The following SMC3 variants were observed in gnomAD, a reference collection of about 807,000 sequenced individuals.
SMC3 encodes structural maintenance of chromosomes protein 3.
SMC3 carries 20 observed loss-of-function variants against 171.8 expected under a neutral mutation model. The observed-to-expected ratio is 0.12, with a 90% CI of 0.08 to 0.17. The LOEUF is 0.17. Among genes scored for constraint, SMC3 ranks in the 10% least tolerant of loss-of-function variants. SMC3 has a pLI of 1.00. For synonymous variants in SMC3, 464 were observed against 451.1 expected, an observed-to-expected ratio of 1.03 and a Z score of -0.36; for missense variants, 543 against 1,420.4, an observed-to-expected ratio of 0.38 and a Z score of 9.93.
In SMC3 at chr10:110,567,782, G is replaced by C. The variant is rs374449319; in HGVS notation, c.-35G>C. On this transcript the variant is annotated 5_prime_UTR_variant, in exon 1 of 29. Coordinates refer to ENST00000361804, the MANE Select transcript of SMC3 (RefSeq NM_005445.4). Reference sequence around the variant, plus strand: ...CTGCGGCCGTGCGGTTGCTGCTCCGGGGCAGGTCTCCTTCCAGGCCAGGGG... The same window carrying C: ...CTGCGGCCGTGCGGTTGCTGCTCCGCGGCAGGTCTCCTTCCAGGCCAGGGG... 1.2e-6 allele frequency: 2 copies of C among 1,613,294 alleles called. No homozygotes were observed. Among genetic ancestry groups the C allele is most frequent in the South Asian group, 2.2e-5 (2 of 91,072 alleles).
intron 3 of SMC3, among the ~76,000 whole-genome samples, chr10:110,575,052 CT>C (rs1860927082): frequency 6.6e-6 from 1 of 151,972 alleles, no homozygotes; most frequent in South Asian, 2.1e-4. Context: ...AGAGGTATAC[CT>C]TAGTTTTGCT....
intron 17 of SMC3, among the ~76,000 whole-genome samples, chr10:110,592,513 C>T (rs1013331372): frequency 2.0e-5 from 3 of 151,830 alleles, no homozygotes; most frequent in African/African-American, 7.3e-5. Flanking sequence ...TTTTAAAAAC[C>T]CTGTTCTAAC....
At chr10:110,583,725 G>C in intron 11 of SMC3, 116 bp from the exon 12 acceptor site, 5 of 1,253,170 alleles carry the variant, frequency 4.0e-6, no homozygotes, top group Non-Finnish European at 5.7e-6. Context: ...CATTAAAAAA[G>C]AGTTTCATGT....
At chr10:110,586,949 G>A (rs535724484) in intron 13 of SMC3, among the ~76,000 whole-genome samples, 1 of 152,258 alleles carries the variant, frequency 6.6e-6, no homozygotes, top group Admixed American at 6.5e-5. Flanking sequence ...GAGCCACCGC[G>A]CCCGGTGTAA....
chr10:110,601,182 T>C (rs778627265), intron 23 of SMC3, 52 bp downstream of exon 23: 1 of 1,253,658 alleles, frequency 8.0e-7, no homozygotes, highest in Non-Finnish European at 1.2e-6. Flanking sequence ...TATAAAATTG[T>C]TTACTACAGA....
At chr10:110,593,507 G>A (rs1389153695) in intron 18 of SMC3, among the ~76,000 whole-genome samples, 2 of 152,156 alleles carry the variant, frequency 1.3e-5, no homozygotes, top group Non-Finnish European at 2.9e-5. Flanking sequence ...GGGAGGCAGT[G>A]GTTGCAGTGA....
At chr10:110,568,316 G>A (rs1422956029) in intron 1 of SMC3, 4 of 183,512 alleles carry the variant, frequency 2.2e-5, no homozygotes, top group Non-Finnish European at 4.5e-5. Context: ...GTCACTGCGG[G>A]GAGCCGTTCT....
chr10:110,583,477 A>G lies in SMC3; in HGVS notation c.898A>G (p.Lys300Glu), dbSNP rs1131691432. Residue 300 changes from lysine to glutamate, a missense_variant, in exon 11 of 29, where the codon AAG becomes GAG. Lys to Glu is a moderately conservative substitution (Grantham distance 56). Around this residue, in one of 8 missense-constraint regions of SMC3, gnomAD observed 146 missense variants for 437.9 expected, o/e 0.33. Coordinates refer to ENST00000361804, the MANE Select transcript of SMC3 (RefSeq NM_005445.4). ...QLSAERQEQI[K>E]QRTKLELKAK... is the part of the protein sequence containing the mutation. Reference sequence around the variant, plus strand: ...TAGTGCTGAAAGACAAGAGCAGATTAAGCAGAGGACTAAGTTGGAGCTTAA... The same window carrying G: ...TAGTGCTGAAAGACAAGAGCAGATTGAGCAGAGGACTAAGTTGGAGCTTAA... The G allele has an allele frequency of 6.2e-7, 1 of 1,613,926 alleles. No homozygotes were observed. The highest frequency in any genetic ancestry group is 8.5e-7 in the Non-Finnish European group (1 of 1,179,916).
In SMC3 at chr10:110,599,831, GGAAA is replaced by G. The variant is rs1564795364; in HGVS notation, c.2427+20_2427+23del. On this transcript the variant is annotated intron_variant, in intron 21 of 28. Coordinates refer to ENST00000361804, the MANE Select transcript of SMC3 (RefSeq NM_005445.4). ...TCAGCAGGTAAGTAGACAGCTGACT[GGAAA>G]AAGAATTCGTTAGTAATTGGCTATT... The G allele has an allele frequency of 1.2e-6, 2 of 1,612,474 alleles. No homozygotes were observed. The highest frequency in any genetic ancestry group is 1.7e-6 in the Non-Finnish European group (2 of 1,178,644).
At chr10:110,576,261 C>G (rs1396075391) in intron 4 of SMC3, among the ~76,000 whole-genome samples, 1 of 152,292 alleles carries the variant, frequency 6.6e-6, no homozygotes, top group African/African-American at 2.4e-5. Context: ...TGAATGTAGA[C>G]TGCTATCACG....
intron 13 of SMC3, 105 bp from the exon 14 acceptor site, chr10:110,589,499 CA>C: frequency 2.7e-6 from 2 of 727,952 alleles, no homozygotes; most frequent in South Asian, 3.2e-5. Context: ...ATTCCTCCCT[CA>C]CCTTTTGTCC....
chr10:110,602,325 C>T, intron 25 of SMC3, 147 bp downstream of exon 25: 1 of 955,184 alleles, frequency 1.0e-6, no homozygotes, highest in Non-Finnish European at 1.6e-6. Flanking sequence ...TTTACAGTAA[C>T]TTGAATGTTT....
chr10:110,573,680 T>A, intron 2 of SMC3, 27 bp from the exon 3 acceptor site: 1 of 1,514,628 alleles, frequency 6.6e-7, no homozygotes, highest in Non-Finnish European at 9.1e-7. Context: ...TTATGTAAAA[T>A]AACTTGTACT....
chr10:110,602,875 A>G lies in SMC3; in HGVS notation c.3348A>G (p.Ser1116=), dbSNP rs756393822. Residue 1116 remains serine (S), a synonymous_variant, in exon 27 of 29, where the codon TCA becomes TCG. Transcript: ENST00000361804. The part of the protein sequence containing the change: ...QGEMREMQQL[S]GGQKSLVALA... Reference sequence around the variant, plus strand: ...AAATGAGAGAAATGCAACAGCTTTCAGGTGGACAGAAATCCTTGGTAGCCC... The same window carrying G: ...AAATGAGAGAAATGCAACAGCTTTCGGGTGGACAGAAATCCTTGGTAGCCC... 3 of 1,614,014 alleles carry G rather than the reference A, an allele frequency of 1.9e-6. No homozygotes were observed. Among genetic ancestry groups the G allele is most frequent in the Non-Finnish European group, 8.5e-7 (1 of 1,179,872 alleles).
chr10:110,573,210 T>G (rs1300342354), intron 2 of SMC3, among the ~76,000 whole-genome samples: 1 of 152,176 alleles, frequency 6.6e-6, no homozygotes, highest in East Asian at 1.9e-4. Context: ...TATTTGAATT[T>G]TGTTAGTCAA....
At position 110,602,974 on chromosome 10, in the gene SMC3, G is replaced by A. The variant is rs747008845; in HGVS notation, c.3447G>A (p.Leu1149=). The change falls in exon 27 of 29, where the codon CTG becomes CTA. Residue 1149 remains leucine, a synonymous_variant. Transcript: ENST00000361804. The stretch of plus-strand genomic sequence containing the variant: ...TGTTTGATGAAATTGACCAGGCTCT[G>A]GATGCTCAGCACAGAAAGGCTGTGT... The part of the protein sequence containing the change: ...FYLFDEIDQA[L]DAQHRKAVSD... The A allele has an allele frequency of 1.7e-5, 28 of 1,614,012 alleles. No individual in the cohort carries two copies. The East Asian group carries it at 6.0e-4, about 35-fold the overall frequency.
chr10:110,603,392 CTT>C, intron 28 of SMC3, 102 bp downstream of exon 28: 1 of 756,610 alleles, frequency 1.3e-6, no homozygotes, highest in South Asian at 1.7e-5. Flanking sequence ...CTTAGAAAGT[CTT>C]TGCTTATCTG....
chr10:110,581,989 A>C lies in SMC3; in HGVS notation c.614A>C (p.Glu205Ala). 3 of 1,613,392 alleles carry C rather than the reference A, an allele frequency of 1.9e-6. No individual in the cohort carries two copies. Among genetic ancestry groups the C allele is most frequent in the Non-Finnish European group, 2.5e-6 (3 of 1,179,374 alleles). The change falls in exon 9 of 29, where the codon GAA becomes GCA. Residue 205 changes from glutamate (E) to alanine (A), a missense_variant. Around this residue, in one of 8 missense-constraint regions of SMC3, gnomAD observed 146 missense variants for 437.9 expected, o/e 0.33. Coordinates refer to ENST00000361804, the MANE Select transcript of SMC3 (RefSeq NM_005445.4). ...YIEERLHTLE[E>A]EKEELAQYQK... Reference sequence around the variant, plus strand: ...GAAGAGAGATTACATACTCTAGAGGAAGAAAAGGAAGAACTAGCTCAGTAT... The same window carrying C: ...GAAGAGAGATTACATACTCTAGAGGCAGAAAAGGAAGAACTAGCTCAGTAT...
At chr10:110,585,764 CTTA>C (rs1861103510) in intron 13 of SMC3, among the ~76,000 whole-genome samples, 1 of 151,250 alleles carries the variant, frequency 6.6e-6, no homozygotes, top group Non-Finnish European at 1.5e-5. Context: ...TATTTATGTA[CTTA>C]TTAATTGTAT....
Sources: allele counts gnomAD v4.1 joint callset (sites outside exome capture counted in the v4.1 genomes callset), GRCh38; gene constraint gnomAD v4.1.1; regional missense constraint gnomAD v4.1.1; transcripts MANE v1.5; gene names NCBI Gene and HGNC (gene_info 2026-07-23, HGNC 2026-07-21).